Variants in DENND2B observed in about 807,000 individuals in gnomAD.
DENND2B encodes DENN domain containing 2B.
In DENND2B, 32 loss-of-function variants were observed where a neutral mutation model predicts 116.0. The observed-to-expected ratio is 0.28, with a 90% CI of 0.21 to 0.37. The LOEUF (loss-of-function observed/expected upper bound fraction) is 0.37, where lower values mean the gene tolerates loss of function less well. Among genes scored for constraint, DENND2B ranks in the 10% least tolerant of loss-of-function variants. The probability of loss-of-function intolerance (pLI) is 1.00; values close to 1 mark genes in which losing one functional copy is unlikely to be tolerated. For missense variants in DENND2B, 1,276 were observed against 1,477.7 expected, an observed-to-expected ratio of 0.86 and a Z score of 2.24; for synonymous variants, 588 against 583.9, an observed-to-expected ratio of 1.01 and a Z score of -0.10.
At chr11:8,694,709 A>T in intron 19 of DENND2B, 1 of 447,370 alleles carries the variant, frequency 2.2e-6, no homozygotes, top group South Asian at 1.6e-5. Flanking sequence ...TGGTGTCTGT[A>T]CTGAACATAT....
chr11:8,713,944 A>C, intron 8 of DENND2B, 54 bp downstream of exon 8: 1 of 1,581,340 alleles, frequency 6.3e-7, no homozygotes. Context: ...GGGAAGGCTG[A>C]TTCCCTGCAG....
chr11:8,868,696 G>GAGCA (rs2063668924), intron 2 of DENND2B, among the ~76,000 whole-genome samples: 1 of 152,346 alleles, frequency 6.6e-6, no homozygotes, highest in African/African-American at 2.4e-5. Context: ...AGGTGGCATA[G>GAGCA]AGCAGATGCT....
At chr11:8,715,582 G>C (rs200828052) in intron 6 of DENND2B, 21 bp downstream of exon 6, 2 of 1,609,740 alleles carry the variant, frequency 1.2e-6, no homozygotes, top group African/African-American at 2.7e-5. Context: ...GGCTCCAGTG[G>C]GCTGCCTCTG....
At chr11:8,863,114 G>A (rs576137359) in intron 2 of DENND2B, among the ~76,000 whole-genome samples, 4 of 151,938 alleles carry the variant, frequency 2.6e-5, no homozygotes, top group East Asian at 1.9e-4. Flanking sequence ...CTGGGAGTTC[G>A]AGACCTGTCT....
chr11:8,901,229 C>CTTTTCTTTTTTTTTTTTTTTTT (rs781408078), intron 1 of DENND2B, among the ~76,000 whole-genome samples: 11 of 83,922 alleles, frequency 1.3e-4, no homozygotes, highest in African/African-American at 2.9e-4. Context: ...CTTTTCTTTT[C>CTTTTCTTTTTTTTTTTTTTTTT]TTTTTTTTTT....
intron 3 of DENND2B, among the ~76,000 whole-genome samples, chr11:8,853,419 G>A (rs78417699): frequency 0.024 from 3,702 of 152,206 alleles, 134 homozygotes; most frequent in African/African-American, 0.085. Context: ...GTTAGCCTCC[G>A]CTGCCAAGTG....
At chr11:8,780,695 G>C (rs990504124) in intron 1 of DENND2B, among the ~76,000 whole-genome samples, 1 of 152,172 alleles carries the variant, frequency 6.6e-6, no homozygotes, top group African/African-American at 2.4e-5. Context: ...AATCACAGAA[G>C]TTTTCTGAGA....
At chr11:8,822,351 G>A (rs1411728258) in intron 4 of DENND2B, among the ~76,000 whole-genome samples, 3 of 152,140 alleles carry the variant, frequency 2.0e-5, no homozygotes, top group Non-Finnish European at 4.4e-5. Context: ...GTATGTGGTG[G>A]GGAGAGGTGA....
chr11:8,705,824 CCT>C (rs1428318820), intron 13 of DENND2B, among the ~76,000 whole-genome samples: 3 of 152,232 alleles, frequency 2.0e-5, no homozygotes, highest in Non-Finnish European at 4.4e-5. Flanking sequence ...CTTCCCTTCC[CCT>C]GTTCTACCAC....
intron 13 of DENND2B, among the ~76,000 whole-genome samples, chr11:8,704,888 G>C (rs2042330468): frequency 6.6e-6 from 1 of 151,918 alleles, no homozygotes; most frequent in Admixed American, 6.6e-5. Flanking sequence ...TTTTGGAAGA[G>C]ACAGAGTTTC....
chr11:8,829,300 G>A (rs941605514), intron 4 of DENND2B, among the ~76,000 whole-genome samples: 1 of 152,076 alleles, frequency 6.6e-6, no homozygotes, highest in Admixed American at 6.6e-5. Context: ...CCCTGGCTGT[G>A]GTGATGACTG....
At chr11:8,837,385 T>G (rs2134603660) in intron 4 of DENND2B, among the ~76,000 whole-genome samples, 1 of 152,316 alleles carries the variant, frequency 6.6e-6, no homozygotes, top group South Asian at 2.1e-4. Context: ...TCTCGCTCTG[T>G]TGTCCAGGCT....
At chr11:8,786,526 G>A (rs1174500177) in intron 1 of DENND2B, among the ~76,000 whole-genome samples, 2 of 152,186 alleles carry the variant, frequency 1.3e-5, no homozygotes, top group African/African-American at 2.4e-5. Flanking sequence ...ACAGGATTAG[G>A]AAGGCCAGGC....
Position 8,695,529 on chromosome 11 carries a change from C to T in DENND2B, c.3313G>A (p.Glu1105Lys). The change falls in exon 19 of 20, where the codon GAG (glutamate) becomes AAG (lysine). Residue 1105 changes from glutamate (E) to lysine (K), a missense_variant. Glu to Lys is a moderately conservative substitution (Grantham distance 56, BLOSUM62 1). This residue lies in a region of DENND2B where 420 missense variants were observed against 631.1 expected (regional missense o/e 0.67). Transcript: ENST00000313726. ...TCTGGGAGTTCTTCTAAGTACTGCTCCACTCGCTGCTCAAAAAGGCCTGGG... is the reference window on the plus strand; with the variant it reads ...TCTGGGAGTTCTTCTAAGTACTGCTTCACTCGCTGCTCAAAAAGGCCTGGG... The part of the protein sequence containing the change: ...RAKGLFEQRV[E>K]QYLEELPDTE... 1 of 1,613,910 alleles carries T rather than the reference C, an allele frequency of 6.2e-7. No homozygotes were observed. The highest frequency in any genetic ancestry group is 8.5e-7 in the Non-Finnish European group (1 of 1,180,024).
At chr11:8,704,969 TG>T (rs1380745545) in intron 13 of DENND2B, among the ~76,000 whole-genome samples, 2 of 152,266 alleles carry the variant, frequency 1.3e-5, no homozygotes, top group Non-Finnish European at 2.9e-5. Flanking sequence ...CCCAACGTGC[TG>T]GGATTACAAG....
At chr11:8,886,603 C>T (rs997764489) in intron 1 of DENND2B, among the ~76,000 whole-genome samples, 4 of 151,436 alleles carry the variant, frequency 2.6e-5, no homozygotes, top group Admixed American at 2.6e-4. Flanking sequence ...CTGAGTTAAA[C>T]TAGCATCATA....
In DENND2B at chr11:8,830,253, C is replaced by A. The variant is rs183583230; in HGVS notation, c.-115+9057G>T. 6.8e-3 allele frequency among the ~76,000 whole-genome samples: 1,036 copies of A among 152,276 alleles called. 10 individuals are homozygous for A. Among genetic ancestry groups the A allele is most frequent in the Admixed American group, 0.011 (172 of 15,294 alleles). On this transcript the variant is annotated intron_variant, in intron 4 of 6. Transcript: ENST00000524757. Reference sequence around the variant, plus strand: ...CACCTACCCCTCCAAGGTAGATCATCGCCGTGACACTGGAGTGAACATCTC... The same window carrying A: ...CACCTACCCCTCCAAGGTAGATCATAGCCGTGACACTGGAGTGAACATCTC...
intron 3 of DENND2B, among the ~76,000 whole-genome samples, chr11:8,850,924 C>A (rs1313036150): frequency 6.6e-6 from 1 of 152,126 alleles, no homozygotes; most frequent in East Asian, 1.9e-4. Context: ...ACAAGCCAGG[C>A]ACAGAAAGAG....
chr11:8,706,055 G>C lies in DENND2B; in HGVS notation c.2571+1030C>G, dbSNP rs538443508. Among the ~76,000 whole-genome samples, 1,472 of 152,242 alleles carry C rather than the reference G, an allele frequency of 9.7e-3. 12 individuals carry two copies. Among genetic ancestry groups the C allele is most frequent in the Non-Finnish European group, 0.015 (1,044 of 68,016 alleles). On this transcript the variant is annotated intron_variant, in intron 13 of 19. Transcript: ENST00000313726. ...AGTCCAGGAGTTCAAGACCAGCCTG[G>C]GCAACAGGGTGAAACCCTGTCTCTA...
Sources: gnomAD v4.1 joint callset for allele counts (sites outside exome capture counted in the v4.1 genomes callset) on GRCh38, gnomAD v4.1.1 for gene constraint, gnomAD v4.1.1 regional missense constraint, MANE v1.5 for transcripts, NCBI Gene and HGNC (gene_info 2026-07-23, HGNC 2026-07-21) for gene names.